MLIP: variants seen among roughly 807,000 people sequenced by gnomAD.
The protein encoded by MLIP is muscular LMNA-interacting protein.
In MLIP, 79 loss-of-function variants were observed where a neutral mutation model predicts 84.8. The observed-to-expected ratio is 0.93, with a 90% CI of 0.78 to 1.12. The LOEUF is 1.12. Ranked by LOEUF, MLIP falls within the 50% of genes most tolerant of loss-of-function variation. The probability of loss-of-function intolerance (pLI) is 0.00; values close to 1 mark genes in which losing one functional copy is unlikely to be tolerated. For missense variants in MLIP, 1,257 were observed against 1,160.6 expected (o/e 1.08, Z -1.21); for synonymous variants, 504 against 463.0 (o/e 1.09, Z -1.14).
At chr6:54,090,503 G>C (rs1365789348) in intron 1 of MLIP, among the ~76,000 whole-genome samples, 1 of 151,984 alleles carries the variant, frequency 6.6e-6, no homozygotes, top group African/African-American at 2.4e-5. Flanking sequence ...ACTTCCCTTT[G>C]TTATTCAGAA....
chr6:54,212,067 G>A (rs1212064819), intron 11 of MLIP, among the ~76,000 whole-genome samples: 1 of 152,128 alleles, frequency 6.6e-6, no homozygotes, highest in African/African-American at 2.4e-5. Context: ...TGGTAGCTCT[G>A]TTTGATAAGG....
chr6:54,192,873 T>C (rs1192750068), intron 10 of MLIP, among the ~76,000 whole-genome samples: 1 of 152,202 alleles, frequency 6.6e-6, no homozygotes, highest in Non-Finnish European at 1.5e-5. Flanking sequence ...GAGGTAAATG[T>C]AGTAAATGTT....
At chr6:54,170,242 G>T (rs1239035676) in intron 9 of MLIP, among the ~76,000 whole-genome samples, 5 of 151,628 alleles carry the variant, frequency 3.3e-5, no homozygotes, top group Non-Finnish European at 5.9e-5. Flanking sequence ...CTTAGTAAGT[G>T]TTTAGTGTTA....
At chr6:54,263,575 T>C (rs1198839642) in intron 13 of MLIP, among the ~76,000 whole-genome samples, 1 of 152,060 alleles carries the variant, frequency 6.6e-6, no homozygotes, top group Non-Finnish European at 1.5e-5. Flanking sequence ...CATTTTGCAG[T>C]AAAGAATATG....
chr6:54,249,139 C>G (rs760826287), intron 12 of MLIP, among the ~76,000 whole-genome samples: 6 of 151,994 alleles, frequency 3.9e-5, no homozygotes, highest in Non-Finnish European at 8.8e-5. Context: ...GAGGTAGCAT[C>G]AGTTATCAAT....
chr6:54,266,154 T>C lies in MLIP; in HGVS notation c.*199T>C. The C allele has an allele frequency of 1.7e-6, 1 of 596,140 alleles. No homozygotes were observed. The highest frequency in any genetic ancestry group is 2.2e-5 in the South Asian group (1 of 45,008). 36.9% of individuals were successfully genotyped at this position (596,140 alleles called of 1,614,324 possible). On this transcript the variant is annotated 3_prime_UTR_variant, in exon 14 of 14. Transcript: ENST00000502396. Reference sequence around the variant, plus strand: ...CTGCTAACAGCCAGCATAGAAGAGATTTACCTACAGCTTTTTGCACCACTG... The same window carrying C: ...CTGCTAACAGCCAGCATAGAAGAGACTTACCTACAGCTTTTTGCACCACTG...
At chr6:54,087,621 G>C (rs778831232) in intron 1 of MLIP, among the ~76,000 whole-genome samples, 1 of 152,022 alleles carries the variant, frequency 6.6e-6, no homozygotes, top group Non-Finnish European at 1.5e-5. Flanking sequence ...TCCTCTGGGG[G>C]CCACTGCCCT....
At chr6:54,085,009 A>G (rs1767395134) in intron 1 of MLIP, among the ~76,000 whole-genome samples, 2 of 152,218 alleles carry the variant, frequency 1.3e-5, no homozygotes. Flanking sequence ...AAGCATAGAT[A>G]GACCAGATTT....
chr6:54,228,163 A>G (rs1249561058), intron 11 of MLIP, among the ~76,000 whole-genome samples: 1 of 120,630 alleles, frequency 8.3e-6, no homozygotes, highest in Admixed American at 1.1e-4. Flanking sequence ...AGCCTGGGCG[A>G]CAGAGGGAGA....
intron 1 of MLIP, among the ~76,000 whole-genome samples, chr6:54,095,578 A>G (rs1277681880): frequency 1.3e-5 from 2 of 152,092 alleles, no homozygotes; most frequent in East Asian, 1.9e-4. Flanking sequence ...GGGGATGGAT[A>G]GAGTGATTGG....
At chr6:54,253,522 C>G (rs995212771) in intron 12 of MLIP, among the ~76,000 whole-genome samples, 3 of 152,156 alleles carry the variant, frequency 2.0e-5, no homozygotes, top group African/African-American at 7.2e-5. Flanking sequence ...AACTGTTTCA[C>G]AAAAGCTAAA....
intron 4 of MLIP, among the ~76,000 whole-genome samples, chr6:54,140,974 T>G (rs1030754407): frequency 6.6e-6 from 1 of 152,292 alleles, no homozygotes; most frequent in Admixed American, 6.5e-5. Context: ...TTAGGTCAGC[T>G]TTACTCACTC....
chr6:54,097,978 G>A (rs534502537), intron 1 of MLIP, among the ~76,000 whole-genome samples: 3 of 152,086 alleles, frequency 2.0e-5, no homozygotes, highest in Non-Finnish European at 4.4e-5. Flanking sequence ...GAGGAGAAGC[G>A]GGAGCTCAGG....
chr6:54,171,354 CT>C (rs1775751724), intron 9 of MLIP, among the ~76,000 whole-genome samples: 1 of 151,508 alleles, frequency 6.6e-6, no homozygotes, highest in Non-Finnish European at 1.5e-5. Flanking sequence ...GATTCTTGAC[CT>C]TAATTAAAAT....
upstream of MLIP, among the ~76,000 whole-genome samples, chr6:54,109,593 A>G (rs1769269575): frequency 6.6e-6 from 1 of 151,596 alleles, no homozygotes; most frequent in Admixed American, 6.6e-5. Context: ...ATTCCATCCC[A>G]CCTTCATAGT....
At chr6:54,215,532 A>G (rs557936715) in intron 11 of MLIP, 1 of 411,256 alleles carries the variant, frequency 2.4e-6, no homozygotes, top group South Asian at 6.5e-5. Context: ...GATTTGATGT[A>G]TGTGTACATT....
In MLIP at chr6:54,160,569, T is replaced by C; in HGVS notation, c.2409T>C (p.Ile803=). The change falls in exon 7 of 14, where the codon ATT becomes ATC. Residue 803 remains isoleucine (I), a synonymous_variant. Transcript: ENST00000502396. ...RQQTEELCAT[I]DKVLQDSLSM... ...AAACTGAAGAGCTCTGTGCTACCAT[T>C]GATAAGGTCTTACAGGATTCCTTGT... 1 of 1,612,238 alleles carries C rather than the reference T, an allele frequency of 6.2e-7. No homozygotes were observed.
At chr6:54,226,216 G>A (rs1780560864) in intron 11 of MLIP, among the ~76,000 whole-genome samples, 1 of 152,196 alleles carries the variant, frequency 6.6e-6, no homozygotes. Flanking sequence ...ATGCTGGAGA[G>A]AGGAAAACAG....
intron 5 of MLIP, among the ~76,000 whole-genome samples, chr6:54,152,532 A>C (rs1317141627): frequency 6.6e-6 from 1 of 152,150 alleles, no homozygotes; most frequent in Non-Finnish European, 1.5e-5. Context: ...ATTTCCTGAG[A>C]CTTACTCATT....
Sources: allele counts gnomAD v4.1 joint callset (sites outside exome capture counted in the v4.1 genomes callset), GRCh38; gene constraint gnomAD v4.1.1; transcripts MANE v1.5; gene names NCBI Gene and HGNC (gene_info 2026-07-23, HGNC 2026-07-21).